Variants in SENP7 observed in about 807,000 individuals in gnomAD.
SENP7 encodes the protein SUMO specific peptidase 7, also known as sentrin-specific protease 7.
SENP7 carries 64 observed loss-of-function variants against 141.2 expected under a neutral mutation model. That is an observed-to-expected ratio of 0.45 (90% confidence interval 0.37 to 0.56). The LOEUF (loss-of-function observed/expected upper bound fraction) is 0.56. Ranked by LOEUF, SENP7 falls within the 20% of genes least tolerant of loss-of-function variation. The pLI is 0.00. For missense variants in SENP7, 1,025 were observed against 1,212.2 expected, an observed-to-expected ratio of 0.85 and a Z score of 2.29; for synonymous variants, 382 against 426.4, an observed-to-expected ratio of 0.90 and a Z score of 1.28.
At chr3:101,342,943 G>C (rs1054108352) in intron 14 of SENP7, among the ~76,000 whole-genome samples, 2 of 152,154 alleles carry the variant, frequency 1.3e-5, no homozygotes, top group African/African-American at 4.8e-5. Context: ...TGGGATTACA[G>C]GTGTAAGCCA....
rs1357213368 is a variant in SENP7, at chr3:101,414,658, G to T, written c.482+2935C>A. The T allele has an allele frequency of 4.3e-6, 5 of 1,172,116 alleles. No individual in the cohort carries two copies. The African/African-American group carries it at 4.7e-5, about 11-fold the overall frequency. The allele number at this position is 1,172,116 out of a possible 1,614,324, so 72.6% of individuals were successfully genotyped here. ...AAAGTCTTTGCCAGTGGCCATGGGG[G>T]CTGAGGGCAAGAATATATTTTTTAT... is the stretch of plus-strand genomic sequence containing the variant. On this transcript the variant is annotated intron_variant, in intron 5 of 23. Coordinates refer to ENST00000394095, the MANE Select transcript of SENP7 (RefSeq NM_020654.5).
rs539497420 is a variant in SENP7 at position 101,441,376 on chromosome 3, G to A, written c.284+17579C>T. Among the ~76,000 whole-genome samples the A allele has an allele frequency of 3.0e-4, 45 of 152,120 alleles. No homozygotes were observed. The South Asian group carries it at 3.1e-3, about 11-fold the overall frequency. ...CACCCTGCCCCTGCAAACAGTATCCGCAGGCACTGTCCCAGGAAGAAAGAA... is the reference window on the plus strand; with the variant it reads ...CACCCTGCCCCTGCAAACAGTATCCACAGGCACTGTCCCAGGAAGAAAGAA... On this transcript the variant is annotated intron_variant, in intron 4 of 23. Transcript: ENST00000394095.
intron 2 of SENP7, among the ~76,000 whole-genome samples, chr3:101,497,570 C>T (rs1052179362): frequency 1.3e-5 from 2 of 151,730 alleles, no homozygotes; most frequent in African/African-American, 4.8e-5. Context: ...TGAAAGATCT[C>T]CCAAGGCTGG....
intron 6 of SENP7, among the ~76,000 whole-genome samples, chr3:101,373,239 G>A (rs142330961): frequency 2.0e-5 from 3 of 151,972 alleles, no homozygotes; most frequent in African/African-American, 4.8e-5. Flanking sequence ...AATCAAAATC[G>A]TAAGGGTGAG....
chr3:101,376,209 G>A (rs1221571933), intron 6 of SENP7, among the ~76,000 whole-genome samples: 1 of 152,130 alleles, frequency 6.6e-6, no homozygotes, highest in Non-Finnish European at 1.5e-5. Context: ...GGGAAAAATA[G>A]GGAGTTAGAG....
intron 11 of SENP7, among the ~76,000 whole-genome samples, chr3:101,352,593 T>C (rs891890308): frequency 2.0e-5 from 3 of 152,056 alleles, no homozygotes; most frequent in Non-Finnish European, 2.9e-5. Flanking sequence ...ACATGTACTA[T>C]CTAAAGCAGA....
intron 4 of SENP7, among the ~76,000 whole-genome samples, chr3:101,429,719 A>C (rs553499816): frequency 3.9e-5 from 6 of 152,252 alleles, no homozygotes; most frequent in African/African-American, 1.4e-4. Context: ...AGAACTTCCA[A>C]TACTACGTTG....
chr3:101,366,895 C>T, intron 8 of SENP7, 126 bp from the exon 9 acceptor site: 1 of 633,360 alleles, frequency 1.6e-6, no homozygotes, highest in Non-Finnish European at 2.7e-6. Context: ...GAAAACTAAA[C>T]AATTATACTA....
intron 3 of SENP7, among the ~76,000 whole-genome samples, chr3:101,478,942 A>G (rs1433675828): frequency 1.3e-5 from 2 of 152,172 alleles, no homozygotes; most frequent in African/African-American, 4.8e-5. Flanking sequence ...ACAGGATGAA[A>G]AACAAAAACC....
At chr3:101,383,942 T>C (rs1319735714) in intron 6 of SENP7, among the ~76,000 whole-genome samples, 6 of 152,210 alleles carry the variant, frequency 3.9e-5, no homozygotes, top group South Asian at 2.1e-4. Flanking sequence ...TGACAACTTA[T>C]GGTGCTTTCT....
intron 6 of SENP7, among the ~76,000 whole-genome samples, chr3:101,389,952 G>T (rs1405590324): frequency 3.3e-5 from 5 of 152,156 alleles, no homozygotes; most frequent in Admixed American, 6.5e-5. Context: ...AGGCACAGTG[G>T]CTCATGCTTG....
At chr3:101,390,330 C>T (rs1303097240) in intron 6 of SENP7, among the ~76,000 whole-genome samples, 7 of 127,522 alleles carry the variant, frequency 5.5e-5, no homozygotes, top group Admixed American at 1.7e-4. Flanking sequence ...CCAATAAAGA[C>T]ATACATTGAC....
At position 101,337,610 on chromosome 3, in the gene SENP7, T is replaced by C. The variant is rs693623; in HGVS notation, c.2379A>G (p.Ala793=). ...FYLKYLILEK[A]SDELVERSHI... is the part of the protein sequence containing the mutation. ...GACTTCGTTCAACAAGTTCATCTGA[T>C]GCCTTCTCCAATATAAGATACCTGT... The change falls in exon 17 of 24, where the codon GCA becomes GCG. Residue 793 remains alanine, a synonymous_variant. Coordinates refer to ENST00000394095, the MANE Select transcript of SENP7 (RefSeq NM_020654.5). The C allele has an allele frequency of 1.9e-6, 3 of 1,604,736 alleles. No individual in the cohort carries two copies. Among genetic ancestry groups the C allele is most frequent in the Admixed American group, 1.7e-5 (1 of 58,462 alleles).
In SENP7 at chr3:101,366,687, T is replaced by C; in HGVS notation, c.1061A>G (p.Glu354Gly). 6.2e-7 allele frequency: 1 copy of C among 1,613,704 alleles called. No homozygotes were observed. The highest frequency in any genetic ancestry group is 8.5e-7 in the Non-Finnish European group (1 of 1,179,744). The change falls in exon 9 of 24, where the codon GAA (glutamate) becomes GGA (glycine). Residue 354 changes from glutamate (E) to glycine (G), a missense_variant. Glu to Gly is a moderately conservative substitution (Grantham distance 98). This residue lies in a region of SENP7 where 496 missense variants were observed against 503.5 expected (regional missense o/e 0.99). Coordinates refer to ENST00000394095, the MANE Select transcript of SENP7 (RefSeq NM_020654.5). The stretch of plus-strand genomic sequence containing the variant: ...TTTTGTAGGTTTAGTTGTAATTTCT[T>C]CAGGCAGTTTTGGATCCTGATGATA... ...ENYHQDPKLP[E>G]EITTKPTKSD...
At chr3:101,446,310 A>G (rs1245004155) in intron 4 of SENP7, among the ~76,000 whole-genome samples, 1 of 152,216 alleles carries the variant, frequency 6.6e-6, no homozygotes, top group Non-Finnish European at 1.5e-5. Context: ...AGTCTCAGGT[A>G]GTTCTTTATA....
intron 2 of SENP7, 89 bp downstream of exon 2, chr3:101,500,981 T>C: frequency 2.2e-6 from 2 of 922,548 alleles, no homozygotes; most frequent in Non-Finnish European, 3.4e-6. Flanking sequence ...ACTGTTTTCT[T>C]TAAAATGTTA....
In SENP7 at chr3:101,325,584, T is replaced by C. The variant is rs2058879249; in HGVS notation, c.*359A>G. ...GGGCTGGCACCAGGGAGGCTTTAACTCCCCTCAGCACCCAGTCACGTGGAA... is the reference window on the plus strand; with the variant it reads ...GGGCTGGCACCAGGGAGGCTTTAACCCCCCTCAGCACCCAGTCACGTGGAA... On this transcript the variant is annotated 3_prime_UTR_variant, in exon 24 of 24. Transcript: ENST00000394095. 6.5e-6 allele frequency: 1 copy of C among 153,626 alleles called. No individual in the cohort carries two copies. The highest frequency in any genetic ancestry group is 2.1e-4 in the South Asian group (1 of 4,844). The allele number at this position is 153,626 out of a possible 1,614,324, so 9.5% of individuals were successfully genotyped here. A position where few individuals can be genotyped will look rare whatever the true frequency, so the allele number is the denominator to read the frequency against.
At chr3:101,483,812 A>G (rs1275994931) in intron 3 of SENP7, among the ~76,000 whole-genome samples, 1 of 152,196 alleles carries the variant, frequency 6.6e-6, no homozygotes, top group African/African-American at 2.4e-5. Flanking sequence ...ACTTGAAGTC[A>G]GGAGTTTGAG....
At chr3:101,411,220 T>C (rs1056671485) in intron 5 of SENP7, among the ~76,000 whole-genome samples, 7 of 152,202 alleles carry the variant, frequency 4.6e-5, no homozygotes, top group African/African-American at 1.7e-4. Flanking sequence ...ACATAGTAAA[T>C]ACACAATAAA....
Sources: allele counts gnomAD v4.1 joint callset (sites outside exome capture counted in the v4.1 genomes callset), GRCh38; gene constraint gnomAD v4.1.1; regional missense constraint gnomAD v4.1.1; transcripts MANE v1.5; gene names NCBI Gene and HGNC (gene_info 2026-07-23, HGNC 2026-07-21).